Variants in UCK2 observed in about 807,000 individuals in gnomAD.
UCK2 encodes the protein cytidine monophosphokinase 2.
A neutral mutation model predicts 30.8 loss-of-function variants in UCK2; 6 were observed. The observed-to-expected ratio is 0.19, with a 90% CI of 0.11 to 0.38. The LOEUF (loss-of-function observed/expected upper bound fraction) is 0.38, where lower values mean the gene tolerates loss of function less well. Among genes scored for constraint, UCK2 ranks in the 10% least tolerant of loss-of-function variants. UCK2 has a pLI of 1.00. For missense variants in UCK2, 210 were observed against 339.8 expected, an observed-to-expected ratio of 0.62 and a Z score of 3.00; for synonymous variants, 125 against 133.6, an observed-to-expected ratio of 0.94 and a Z score of 0.45.
rs1020512496 is a variant in UCK2, at chr1:165,890,960, G to A, written c.260-266G>A. On this transcript the variant is annotated intron_variant, in intron 2 of 6. Transcript: ENST00000367879. Reference sequence around the variant, plus strand: ...GGATGATAACAGCTAAACTTGGAGAGGGGAAAGAACTGACTGAAGTCAGGG... The same window carrying A: ...GGATGATAACAGCTAAACTTGGAGAAGGGAAAGAACTGACTGAAGTCAGGG... The A allele has an allele frequency of 1.5e-4, 59 of 392,946 alleles. 2 individuals carry two copies. Among genetic ancestry groups the A allele is most frequent in the African/African-American group, 1.2e-3 (56 of 48,396 alleles). 24.3% of individuals were successfully genotyped at this position (392,946 alleles called of 1,614,324 possible).
chr1:165,844,174 CA>C (rs1202772406), intron 1 of UCK2, among the ~76,000 whole-genome samples: 1 of 152,114 alleles, frequency 6.6e-6, no homozygotes, highest in African/African-American at 2.4e-5. Flanking sequence ...CTTCAGAGTC[CA>C]AAAAACCTAC....
At chr1:165,828,279 G>T (rs1653948090) in intron 1 of UCK2, among the ~76,000 whole-genome samples, 1 of 152,200 alleles carries the variant, frequency 6.6e-6, no homozygotes, top group Admixed American at 6.5e-5. Flanking sequence ...AGTGTCGGGG[G>T]AGAGGGCTTT....
At position 165,890,374 on chromosome 1, in the gene UCK2, C is replaced by T; in HGVS notation, c.259+11C>T. 1 of 1,612,704 alleles carries T rather than the reference C, an allele frequency of 6.2e-7. No homozygotes were observed. The highest frequency in any genetic ancestry group is 8.5e-7 in the Non-Finnish European group (1 of 1,179,682). ...ACTTTGACCACCCGGGTGAGTCGGG[C>T]ATTGAAGGGGGTATGTATCTGTATT... On this transcript the variant is annotated intron_variant, in intron 2 of 6. Transcript: ENST00000367879.
chr1:165,829,041 C>G (rs1218443466), intron 1 of UCK2, among the ~76,000 whole-genome samples: 1 of 152,074 alleles, frequency 6.6e-6, no homozygotes, highest in Admixed American at 6.6e-5. Flanking sequence ...GTTTTAGCTC[C>G]CGAACCGACT....
At chr1:165,830,612 A>T (rs1490912842) in intron 1 of UCK2, among the ~76,000 whole-genome samples, 1 of 142,604 alleles carries the variant, frequency 7.0e-6, no homozygotes, top group African/African-American at 2.6e-5. Flanking sequence ...GGTGTGCGCC[A>T]CCACGCCGGC....
chr1:165,867,807 C>T (rs981112332), intron 1 of UCK2, among the ~76,000 whole-genome samples: 3 of 152,204 alleles, frequency 2.0e-5, no homozygotes, highest in Admixed American at 1.3e-4. Context: ...TCTACTTCTT[C>T]CAAACTCTTG....
chr1:165,898,312 G>A (rs1001460603), intron 4 of UCK2, among the ~76,000 whole-genome samples: 1 of 152,228 alleles, frequency 6.6e-6, no homozygotes, highest in African/African-American at 2.4e-5. Flanking sequence ...CTATTAGAAT[G>A]TGGTCTTATG....
At chr1:165,901,065 C>T (rs969484698) in intron 4 of UCK2, among the ~76,000 whole-genome samples, 1 of 152,124 alleles carries the variant, frequency 6.6e-6, no homozygotes, top group African/African-American at 2.4e-5. Flanking sequence ...GGGTGAGCCA[C>T]GTGGCAGCTC....
chr1:165,893,193 T>G (rs1217789362), intron 3 of UCK2, among the ~76,000 whole-genome samples: 2 of 152,180 alleles, frequency 1.3e-5, no homozygotes, highest in Admixed American at 1.3e-4. Flanking sequence ...GCCTGACCAG[T>G]GCAGTCTAGG....
chr1:165,889,418 T>G (rs1161304083), intron 1 of UCK2, among the ~76,000 whole-genome samples: 2 of 152,214 alleles, frequency 1.3e-5, no homozygotes, highest in African/African-American at 4.8e-5. Context: ...CCTCAGCACA[T>G]CATCACCATG....
intron 1 of UCK2, among the ~76,000 whole-genome samples, chr1:165,842,273 T>C (rs1035316406): frequency 2.0e-4 from 30 of 152,212 alleles, no homozygotes; most frequent in Admixed American, 1.7e-3. Flanking sequence ...CTCCATGTTC[T>C]GTATTCTCCA....
Position 165,882,968 on chromosome 1 carries a change from G to A in UCK2, c.100-7236G>A, listed in dbSNP as rs148123648. ...GCCTCCCAAGTAGCTGGGACTACAGGCGCGTGCCACCACACCCAGCTAATT... is the reference window on the plus strand; with the variant it reads ...GCCTCCCAAGTAGCTGGGACTACAGACGCGTGCCACCACACCCAGCTAATT... On this transcript the variant is annotated intron_variant, in intron 1 of 6. Transcript: ENST00000367879. Among the ~76,000 whole-genome samples the A allele has an allele frequency of 1.6e-3, 244 of 152,214 alleles. 2 individuals are homozygous for A. The highest frequency in any genetic ancestry group is 5.8e-3 in the African/African-American group (239 of 41,522).
At chr1:165,906,524 G>A (rs916100723) in intron 6 of UCK2, among the ~76,000 whole-genome samples, 2 of 152,058 alleles carry the variant, frequency 1.3e-5, no homozygotes, top group Non-Finnish European at 2.9e-5. Flanking sequence ...GCACCACCAC[G>A]GTCCACTAAT....
intron 1 of UCK2, among the ~76,000 whole-genome samples, chr1:165,850,620 T>G (rs1399588877): frequency 3.3e-5 from 4 of 122,178 alleles, no homozygotes; most frequent in Non-Finnish European, 5.7e-5. Flanking sequence ...TTTTAAATTT[T>G]TTTTTTTTTT....
At chr1:165,900,072 TC>T (rs1289644318) in intron 4 of UCK2, 1 of 152,312 alleles carries the variant, frequency 6.6e-6, no homozygotes, top group Non-Finnish European at 1.5e-5. Flanking sequence ...TGTCCTGCTC[TC>T]CCTTCCCGCG....
chr1:165,853,448 A>G (rs1294798868), intron 1 of UCK2, among the ~76,000 whole-genome samples: 2 of 152,042 alleles, frequency 1.3e-5, no homozygotes, highest in African/African-American at 4.8e-5. Flanking sequence ...CCAAGTATTA[A>G]TGTCTTTCTG....
chr1:165,853,145 A>C (rs768846062), intron 1 of UCK2, among the ~76,000 whole-genome samples: 6 of 152,152 alleles, frequency 3.9e-5, no homozygotes, highest in Non-Finnish European at 7.3e-5. Flanking sequence ...GGCTGCTGTT[A>C]GGCTTTAGCG....
chr1:165,895,326 A>G (rs1655872512), intron 3 of UCK2, among the ~76,000 whole-genome samples: 1 of 152,124 alleles, frequency 6.6e-6, no homozygotes, highest in African/African-American at 2.4e-5. Flanking sequence ...AGGCGGGAGG[A>G]TCGCCTGAGC....
chr1:165,836,996 G>C (rs1654210029), intron 1 of UCK2, among the ~76,000 whole-genome samples: 1 of 152,106 alleles, frequency 6.6e-6, no homozygotes, highest in African/African-American at 2.4e-5. Flanking sequence ...CTGTCCTCGT[G>C]CACAAAAGTT....
Sources: allele counts gnomAD v4.1 joint callset (sites outside exome capture counted in the v4.1 genomes callset), GRCh38; gene constraint gnomAD v4.1.1; transcripts MANE v1.5; gene names NCBI Gene and HGNC (gene_info 2026-07-23, HGNC 2026-07-21).